CACNA1C: variants seen among roughly 807,000 people sequenced by gnomAD.
CACNA1C encodes calcium voltage-gated channel subunit alpha1 C, also known as voltage-dependent L-type calcium channel subunit alpha-1C.
CACNA1C carries 30 observed loss-of-function variants against 229.0 expected under a neutral mutation model. That is an observed-to-expected ratio of 0.13 (90% CI 0.10 to 0.18). The LOEUF is 0.18. CACNA1C is among the 10% of genes least tolerant of loss of function. The pLI, the probability that CACNA1C is intolerant of heterozygous loss-of-function variation, is 1.00. For missense variants in CACNA1C, 1,658 were observed against 2,845.0 expected, an observed-to-expected ratio of 0.58 and a Z score of 9.49; for synonymous variants, 1,114 against 1,132.5, an observed-to-expected ratio of 0.98 and a Z score of 0.33.
intron 1 of CACNA1C, among the ~76,000 whole-genome samples, chr12:2,099,835 A>T (rs113481186): frequency 0.013 from 2,032 of 152,198 alleles, 50 homozygotes; most frequent in African/African-American, 0.046. Context: ...AGGGAAACAC[A>T]GGCAGCTCCT....
intron 3 of CACNA1C, among the ~76,000 whole-genome samples, chr12:2,436,739 T>C (rs1400918190): frequency 1.3e-5 from 2 of 152,214 alleles, no homozygotes; most frequent in Admixed American, 6.5e-5. Context: ...AGCCCATCAA[T>C]AGAGCTGCTT....
intron 3 of CACNA1C, among the ~76,000 whole-genome samples, chr12:2,408,383 C>T (rs1015132494): frequency 1.3e-5 from 2 of 152,132 alleles, no homozygotes; most frequent in East Asian, 1.9e-4. Context: ...AAATGGCTAA[C>T]GCAGTAAATT....
intron 3 of CACNA1C, among the ~76,000 whole-genome samples, chr12:2,229,140 G>C (rs1415243516): frequency 6.6e-6 from 1 of 152,302 alleles, no homozygotes; most frequent in African/African-American, 2.4e-5. Flanking sequence ...AGCACGTTGA[G>C]CTTTGTCTTT....
At chr12:2,443,688 A>C (rs1247770320) in intron 3 of CACNA1C, among the ~76,000 whole-genome samples, 2 of 152,226 alleles carry the variant, frequency 1.3e-5, no homozygotes, top group South Asian at 2.1e-4. Flanking sequence ...GAGTTCAGGC[A>C]TGAAGAGGGC....
chr12:2,452,101 G>A (rs978046923), intron 4 of CACNA1C, among the ~76,000 whole-genome samples: 3 of 152,254 alleles, frequency 2.0e-5, no homozygotes, highest in Admixed American at 6.5e-5. Context: ...GTAGCTGTAG[G>A]GGAAGGTTTC....
chr12:2,618,870 G>A (rs986989540), intron 29 of CACNA1C, among the ~76,000 whole-genome samples: 5 of 152,130 alleles, frequency 3.3e-5, no homozygotes, highest in African/African-American at 9.7e-5. Flanking sequence ...TCATGTTTTC[G>A]GCAGCAATGA....
At chr12:2,457,817 G>C in intron 5 of CACNA1C, 111 bp downstream of exon 5, 1 of 1,021,278 alleles carries the variant, frequency 9.8e-7, no homozygotes, top group Non-Finnish European at 1.3e-6. Context: ...TATAAATGGA[G>C]GGGTTTTTGT....
intron 7 of CACNA1C, among the ~76,000 whole-genome samples, chr12:2,500,590 C>T (rs1452869672): frequency 1.3e-5 from 2 of 152,162 alleles, no homozygotes; most frequent in Non-Finnish European, 2.9e-5. Flanking sequence ...GTGAGCACGT[C>T]GTGGCCTCCT....
intron 3 of CACNA1C, among the ~76,000 whole-genome samples, chr12:2,406,579 T>G (rs570550438): frequency 6.6e-6 from 1 of 152,382 alleles, no homozygotes; most frequent in South Asian, 2.1e-4. Flanking sequence ...TTTATTGTTC[T>G]TTTTACTTTT....
chr12:2,607,378 C>T, intron 26 of CACNA1C: 1 of 458,556 alleles, frequency 2.2e-6, no homozygotes, highest in Admixed American at 3.7e-5. Context: ...GCCCTCTTTC[C>T]AACCTCAGCA....
intron 2 of CACNA1C, among the ~76,000 whole-genome samples, chr12:2,116,297 G>T (rs2083805670): frequency 6.6e-6 from 1 of 152,176 alleles, no homozygotes; most frequent in African/African-American, 2.4e-5. Flanking sequence ...TGGCTTTGAA[G>T]GGATGGGCGC....
chr12:2,108,535 C>T lies in CACNA1C; in HGVS notation c.50-6689C>T, dbSNP rs1465926784. On this transcript the variant is annotated intron_variant, in intron 1 of 46. Transcript: ENST00000399655. This position sits in a 1 kb window ranked among gnomAD's most constrained non-coding sequence, Gnocchi z 5.3. The stretch of plus-strand genomic sequence containing the variant: ...TGGCAAAAGTTGTGTCAGGAATTCT[C>T]GCTCCAAGGGAGGTTGGGAGCCATT... Among the ~76,000 whole-genome samples the T allele has an allele frequency of 2.0e-5, 3 of 152,206 alleles. No individual in the cohort carries two copies. Among genetic ancestry groups the T allele is most frequent in the East Asian group, 1.9e-4 (1 of 5,198 alleles).
At chr12:2,668,346 G>T (rs541651270) in intron 37 of CACNA1C, among the ~76,000 whole-genome samples, 1 of 152,270 alleles carries the variant, frequency 6.6e-6, no homozygotes, top group South Asian at 2.1e-4. Context: ...GTCAAAAGTA[G>T]TTGTGGCAAA....
At chr12:1,993,654 GTGTA>G (rs754786314) in intron 1 of CACNA1C, among the ~76,000 whole-genome samples, 17 of 149,334 alleles carry the variant, frequency 1.1e-4, no homozygotes, top group Admixed American at 2.0e-4. Context: ...GTGTGTGTGT[GTGTA>G]TACAGATGTT....
At chr12:2,274,972 G>A (rs2087062181) in intron 3 of CACNA1C, among the ~76,000 whole-genome samples, 1 of 152,198 alleles carries the variant, frequency 6.6e-6, no homozygotes, top group African/African-American at 2.4e-5. Flanking sequence ...AGCCTGGCCT[G>A]CCCTGCACAA....
intron 1 of CACNA1C, among the ~76,000 whole-genome samples, chr12:2,069,826 T>C (rs2060576595): frequency 6.6e-6 from 1 of 152,196 alleles, no homozygotes; most frequent in Non-Finnish European, 1.5e-5. Context: ...TCTTTTCTTT[T>C]CTTTTTTTCT....
chr12:2,314,186 G>T (rs557974464), intron 3 of CACNA1C, among the ~76,000 whole-genome samples: 132 of 152,232 alleles, frequency 8.7e-4, no homozygotes, highest in Admixed American at 1.4e-3. Context: ...TTCTAGGCTG[G>T]GTCCATGCCT....
At chr12:2,475,564 A>G (rs1310948292) in intron 5 of CACNA1C, among the ~76,000 whole-genome samples, 2 of 152,236 alleles carry the variant, frequency 1.3e-5, no homozygotes, top group Non-Finnish European at 2.9e-5. Flanking sequence ...TTAGAAATGA[A>G]GAATACAATC....
At position 2,509,476 on chromosome 12, in the gene CACNA1C, A is replaced by G. The variant is rs562701274; in HGVS notation, c.1218-3336A>G. Among the ~76,000 whole-genome samples, 8 of 152,306 alleles carry G rather than the reference A, an allele frequency of 5.3e-5. No individual in the cohort carries two copies. In the East Asian group the frequency reaches 1.5e-3, roughly 29 times the overall value. On this transcript the variant is annotated intron_variant, in intron 8 of 46. Coordinates refer to ENST00000399655, the MANE Select transcript of CACNA1C (RefSeq NM_000719.7). Reference sequence around the variant, plus strand: ...GCCTCTGCCCACATTTTGTCAACCAATCAATACATAACCTTGTTTTAAGTG... The same window carrying G: ...GCCTCTGCCCACATTTTGTCAACCAGTCAATACATAACCTTGTTTTAAGTG...
Sources: gnomAD v4.1 joint callset for allele counts (sites outside exome capture counted in the v4.1 genomes callset) on GRCh38, gnomAD v4.1.1 for gene constraint, Gnocchi (gnomAD v3.1) non-coding constraint, MANE v1.5 for transcripts, NCBI Gene and HGNC (gene_info 2026-07-23, HGNC 2026-07-21) for gene names.